BBS2: variants seen among roughly 807,000 people sequenced by gnomAD.
BBS2 encodes Bardet-Biedl syndrome 2, also known as BBSome complex member BBS2.
Under a neutral mutation model 83.0 loss-of-function variants are expected in BBS2, and 62 were observed. The ratio of observed to expected loss-of-function variants is 0.75; its 90% CI spans 0.61 to 0.92. The LOEUF is 0.92. Ranked by LOEUF, BBS2 falls within the 40% of genes least tolerant of loss-of-function variation. The pLI, the probability that BBS2 is intolerant of heterozygous loss-of-function variation, is 0.00. For missense variants in BBS2, 784 were observed against 901.0 expected (o/e 0.87, Z 1.66); for synonymous variants, 303 against 326.1 (o/e 0.93, Z 0.76).
At chr16:56,482,211 A>C (rs1428839755), downstream of BBS2, among the ~76,000 whole-genome samples, 1 of 152,178 alleles carries the variant, frequency 6.6e-6, no homozygotes, top group Non-Finnish European at 1.5e-5. Context: ...CAAATGGTAT[A>C]AATTAGACTA....
At chr16:56,493,419 A>G (rs867824956) in intron 15 of BBS2, among the ~76,000 whole-genome samples, 21 of 146,496 alleles carry the variant, frequency 1.4e-4, no homozygotes, top group African/African-American at 5.0e-4. Context: ...ACCAAGGTGG[A>G]GAAAAAGATA....
chr16:56,484,911 G>T, intron 16 of BBS2, 44 bp from the exon 17 acceptor site: 1 of 1,463,044 alleles, frequency 6.8e-7, no homozygotes. Flanking sequence ...TGTTAGACAT[G>T]AAATTATAAA....
chr16:56,476,113 G>C lies in BBS2; in HGVS notation c.*1-5418C>G. On this transcript the variant is annotated intron_variant, in intron 17 of 17. Transcript: ENST00000682047. ...CAGAGACAGAGAGACTCTGAAATTT[G>C]TCAAGCATATTAACCACCGAAGCCT... The C allele has an allele frequency of 3.7e-6, 6 of 1,613,972 alleles. No individual in the cohort carries two copies. The Middle Eastern group carries it at 6.6e-4, about 179-fold the overall frequency.
Position 56,502,776 on chromosome 16 carries a change from G to A in BBS2, c.837C>T (p.Val279=), listed in dbSNP as rs748579225. The A allele has an allele frequency of 3.0e-5, 49 of 1,613,946 alleles. No homozygotes were observed. Among genetic ancestry groups the A allele is most frequent in the Middle Eastern group, 1.6e-4 (1 of 6,084 alleles). The change falls in exon 8 of 17, where the codon GTC becomes GTT. Residue 279 remains valine (V), a synonymous_variant. Transcript: ENST00000245157. ...CAGAAGAAAAATTGTCCTTAAAGAT[G>A]ACCTCCCCAGTTCGGTCACTTCGAG... ...VDARSDRTGE[V]IFKDNFSSAI...
rs181107019 is a variant in BBS2 at position 56,498,553 on chromosome 16, C to T, written c.1543G>A (p.Gly515Ser). Residue 515 changes from glycine to serine, a missense_variant, in exon 13 of 17, where the codon GGT (glycine) becomes AGT (serine). Coordinates refer to ENST00000245157, the MANE Select transcript of BBS2 (RefSeq NM_031885.5). ...TCTTCTGGTAACAGAAAGTTCTGACCGAGCCATACAACAACCTTGAAAATG... is the reference window on the plus strand; with the variant it reads ...TCTTCTGGTAACAGAAAGTTCTGACTGAGCCATACAACAACCTTGAAAATG... The part of the protein sequence containing the change: ...ERAQRVVVWL[G>S]QNFLLPEDTH... 7.0e-5 allele frequency: 113 copies of T among 1,613,590 alleles called. No homozygotes were observed. Among genetic ancestry groups the T allele is most frequent in the Middle Eastern group, 1.6e-4 (1 of 6,084 alleles).
downstream of BBS2, among the ~76,000 whole-genome samples, chr16:56,483,577 A>G (rs186934065): frequency 1.3e-5 from 2 of 152,320 alleles, no homozygotes; most frequent in East Asian, 1.9e-4. Flanking sequence ...TTTGAGGTCT[A>G]TTTGTTACAG....
At chr16:56,488,276 G>A (rs551902316) in intron 15 of BBS2, among the ~76,000 whole-genome samples, 4 of 152,130 alleles carry the variant, frequency 2.6e-5, no homozygotes, top group African/African-American at 7.2e-5. Context: ...CGATTCCCCC[G>A]GAGACACTGT....
Position 56,501,304 on chromosome 16 carries a change from C to T in BBS2, c.1225+49G>A, listed in dbSNP as rs531542656. 2.5e-5 allele frequency: 40 copies of T among 1,607,888 alleles called. No individual in the cohort carries two copies. In the South Asian group the frequency reaches 4.3e-4, roughly 17 times the overall value. Reference sequence around the variant, plus strand: ...CTCAAAAAAAAAAAAAAGAATGACTCCAAGATGGCACAGGTGCCTCTAAAT... The same window carrying T: ...CTCAAAAAAAAAAAAAAGAATGACTTCAAGATGGCACAGGTGCCTCTAAAT... On this transcript the variant is annotated intron_variant, in intron 10 of 16. Transcript: ENST00000245157.
intron 17 of BBS2, chr16:56,470,893 G>A (rs1261784935): frequency 1.6e-6 from 2 of 1,235,058 alleles, no homozygotes; most frequent in Non-Finnish European, 1.1e-6. Flanking sequence ...TGTGCCCTAA[G>A]CCCTATTTCA....
intron 5 of BBS2, among the ~76,000 whole-genome samples, chr16:56,508,772 A>C (rs1647594228): frequency 1.3e-5 from 2 of 151,932 alleles, no homozygotes; most frequent in Non-Finnish European, 2.9e-5. Context: ...CAGTCTCCCA[A>C]GCAGCTGGGA....
Position 56,499,752 on chromosome 16 carries a change from T to C in BBS2, c.1527+26A>G, listed in dbSNP as rs781505747. 2.7e-5 allele frequency: 44 copies of C among 1,613,664 alleles called. 2 individuals are homozygous for C. In the South Asian group the frequency reaches 3.8e-4, roughly 14 times the overall value. On this transcript the variant is annotated intron_variant, in intron 12 of 16. Transcript: ENST00000245157. ...TAAAGGATTCTACTGTGTAAAAGCA[T>C]TGAAAGAGAAAAGCGAGATACTCAC...
Position 56,520,017 on chromosome 16 carries a change from T to C in BBS2, c.-155A>G. Reference sequence around the variant, plus strand: ...ACAGCCCGGGACGAACCCGTCCAGGTACCGCCTGCTCCTCCTGCGGCGGCG... The same window carrying C: ...ACAGCCCGGGACGAACCCGTCCAGGCACCGCCTGCTCCTCCTGCGGCGGCG... On this transcript the variant is annotated 5_prime_UTR_variant, in exon 1 of 17. Transcript: ENST00000245157. 1.5e-6 allele frequency: 1 copy of C among 679,716 alleles called. No homozygotes were observed. The highest frequency in any genetic ancestry group is 2.7e-6 in the Non-Finnish European group (1 of 375,442). 42.1% of individuals were successfully genotyped at this position (679,716 alleles called of 1,614,324 possible).
intron 17 of BBS2, among the ~76,000 whole-genome samples, chr16:56,472,708 T>C (rs1412529232): frequency 6.6e-6 from 1 of 152,252 alleles, no homozygotes; most frequent in Non-Finnish European, 1.5e-5. Context: ...CACTGTTTTT[T>C]TGCTATGTAG....
Position 56,484,441 on chromosome 16 carries a change from TC to T in BBS2, c.*319del. On this transcript the variant is annotated 3_prime_UTR_variant, in exon 17 of 17. Transcript: ENST00000245157. ...GATAATCTATTTGAAAAGTACAAAC[TC>T]AATTGCAATTTCAAGAAAAAAATAT... 1 of 207,854 alleles carries T rather than the reference TC, an allele frequency of 4.8e-6. No homozygotes were observed. Among genetic ancestry groups the T allele is most frequent in the Non-Finnish European group, 9.9e-6 (1 of 100,882 alleles). The allele number at this position is 207,854 out of a possible 1,614,324, so 12.9% of individuals were successfully genotyped here.
chr16:56,488,111 G>GA (rs1391957697), intron 15 of BBS2, among the ~76,000 whole-genome samples: 2 of 152,072 alleles, frequency 1.3e-5, no homozygotes, highest in Non-Finnish European at 2.9e-5. Flanking sequence ...CATGAGTGGG[G>GA]AAAAAAACAA....
chr16:56,504,796 T>C (rs1481768301), intron 7 of BBS2, among the ~76,000 whole-genome samples: 2 of 152,238 alleles, frequency 1.3e-5, no homozygotes, highest in Non-Finnish European at 2.9e-5. Context: ...TATGATCCAC[T>C]GCTATGATCT....
At chr16:56,501,239 G>A in intron 10 of BBS2, 114 bp downstream of exon 10, 1 of 1,440,774 alleles carries the variant, frequency 6.9e-7, no homozygotes, top group South Asian at 1.2e-5. Context: ...GAACCCGGGA[G>A]GCAGAGCTTG....
intron 7 of BBS2, among the ~76,000 whole-genome samples, chr16:56,504,906 G>C (rs1964381856): frequency 6.6e-6 from 1 of 152,176 alleles, no homozygotes; most frequent in Non-Finnish European, 1.5e-5. Flanking sequence ...TAGGTCATAA[G>C]GGCAGAGCCC....
At chr16:56,475,923 G>A in intron 17 of BBS2, 1 of 871,074 alleles carries the variant, frequency 1.1e-6, no homozygotes, top group South Asian at 1.8e-5. Flanking sequence ...TGTTCATTCA[G>A]AGGACCCCTC....
Sources: gnomAD v4.1 joint callset for allele counts (sites outside exome capture counted in the v4.1 genomes callset) on GRCh38, gnomAD v4.1.1 for gene constraint, MANE v1.5 for transcripts, NCBI Gene and HGNC (gene_info 2026-07-23, HGNC 2026-07-21) for gene names.